MAMDC2: variants seen among roughly 807,000 people sequenced by gnomAD.
MAMDC2 encodes MAM domain containing 2, also known as MAM domain-containing protein 2.
Under a neutral mutation model 89.8 loss-of-function variants are expected in MAMDC2, and 57 were observed. The ratio of observed to expected loss-of-function variants is 0.63; its 90% CI spans 0.51 to 0.79. MAMDC2 has a LOEUF of 0.79. Ranked by LOEUF, MAMDC2 falls within the 30% of genes least tolerant of loss-of-function variation. The probability of loss-of-function intolerance (pLI) is 0.00; values close to 1 mark genes in which losing one functional copy is unlikely to be tolerated. For missense variants in MAMDC2, 800 were observed against 820.6 expected (o/e 0.97, Z 0.31); for synonymous variants, 313 against 293.4 (o/e 1.07, Z -0.68).
chr9:70,153,592 C>T (rs778139126), intron 9 of MAMDC2: 1 of 152,116 alleles, frequency 6.6e-6, no homozygotes, highest in African/African-American at 2.4e-5. Flanking sequence ...GGAGAAAAAT[C>T]GTTAAACAGT....
At chr9:70,191,804 C>T (rs1181957751) in intron 11 of MAMDC2, among the ~76,000 whole-genome samples, 1 of 152,144 alleles carries the variant, frequency 6.6e-6, no homozygotes, top group Non-Finnish European at 1.5e-5. Context: ...TCAATTTTTG[C>T]CTCTTCAGCT....
intron 11 of MAMDC2, among the ~76,000 whole-genome samples, chr9:70,199,954 T>A (rs1038638976): frequency 6.6e-6 from 1 of 152,214 alleles, no homozygotes; most frequent in African/African-American, 2.4e-5. Context: ...GATATTAGCC[T>A]TTTGTCAGAT....
chr9:70,043,794 C>G (rs1321804051), upstream of MAMDC2: 1 of 216,792 alleles, frequency 4.6e-6, no homozygotes, highest in Non-Finnish European at 9.2e-6. Context: ...TTCCAAGTGT[C>G]TGCAAGGGCT....
At chr9:70,220,204 TATC>T (rs2033530942) in intron 12 of MAMDC2, among the ~76,000 whole-genome samples, 1 of 152,214 alleles carries the variant, frequency 6.6e-6, no homozygotes, top group Admixed American at 6.5e-5. Context: ...ACAGGTAACT[TATC>T]AGCATCTAGG....
At chr9:70,139,350 C>A (rs1260731774) in intron 7 of MAMDC2, among the ~76,000 whole-genome samples, 20 of 143,956 alleles carry the variant, frequency 1.4e-4, no homozygotes, top group Non-Finnish European at 2.7e-4. Context: ...CAATTCCCAC[C>A]TATGAGTGAG....
chr9:70,103,074 C>G (rs1828237658), intron 2 of MAMDC2, among the ~76,000 whole-genome samples: 1 of 152,172 alleles, frequency 6.6e-6, no homozygotes. Context: ...GAATCCTCTC[C>G]CCATAAAAGC....
chr9:70,196,066 A>C (rs1476051188), intron 11 of MAMDC2, among the ~76,000 whole-genome samples: 2 of 152,120 alleles, frequency 1.3e-5, no homozygotes, highest in Non-Finnish European at 2.9e-5. Context: ...AGGATTTCTT[A>C]ACGTGGCGGC....
chr9:70,206,609 A>G (rs2033227965), intron 11 of MAMDC2, among the ~76,000 whole-genome samples: 1 of 152,014 alleles, frequency 6.6e-6, no homozygotes. Context: ...ACTTTGTTTC[A>G]TATTTTTTTT....
At chr9:70,195,009 A>G (rs1400850518) in intron 11 of MAMDC2, among the ~76,000 whole-genome samples, 2 of 152,128 alleles carry the variant, frequency 1.3e-5, no homozygotes, top group African/African-American at 4.8e-5. Context: ...TAACCAGTAC[A>G]TCAAAACCAT....
At chr9:70,168,588 A>G in intron 9 of MAMDC2, 114 bp from the exon 10 acceptor site, 1 of 708,210 alleles carries the variant, frequency 1.4e-6, no homozygotes, top group South Asian at 1.7e-5. Context: ...CGGACGCTGA[A>G]GAGCTGCTTG....
At chr9:70,093,946 C>T (rs893128297) in intron 2 of MAMDC2, 3 of 152,208 alleles carry the variant, frequency 2.0e-5, no homozygotes, top group African/African-American at 7.2e-5. Flanking sequence ...GGGTTCATCA[C>T]TTGGTTTTCT....
intron 11 of MAMDC2, among the ~76,000 whole-genome samples, chr9:70,178,508 T>C (rs1027847198): frequency 6.6e-6 from 1 of 152,210 alleles, no homozygotes; most frequent in Non-Finnish European, 1.5e-5. Context: ...TTTTGGGGGA[T>C]ACATCCAAAC....
chr9:70,205,659 G>T (rs764952043), intron 11 of MAMDC2, among the ~76,000 whole-genome samples: 6 of 152,160 alleles, frequency 3.9e-5, no homozygotes, highest in Non-Finnish European at 5.9e-5. Context: ...TCTCCCAATA[G>T]ATCCATTGGA....
At chr9:70,124,762 G>A (rs952764112) in intron 5 of MAMDC2, among the ~76,000 whole-genome samples, 1 of 152,174 alleles carries the variant, frequency 6.6e-6, no homozygotes, top group African/African-American at 2.4e-5. Context: ...CTGGAGTACA[G>A]TGGTGTGATC....
intron 5 of MAMDC2, among the ~76,000 whole-genome samples, chr9:70,117,401 A>G (rs1381884049): frequency 6.6e-6 from 1 of 152,160 alleles, no homozygotes; most frequent in African/African-American, 2.4e-5. Context: ...ATTCTCACTC[A>G]TAAGTGGGAG....
At chr9:70,093,427 T>G (rs991341526) in intron 2 of MAMDC2, among the ~76,000 whole-genome samples, 5 of 151,324 alleles carry the variant, frequency 3.3e-5, no homozygotes, top group East Asian at 3.9e-4. Flanking sequence ...GGACAGTTTT[T>G]TTTTTTTTTT....
chr9:70,181,205 G>C (rs1223988558), intron 11 of MAMDC2, among the ~76,000 whole-genome samples: 2 of 152,124 alleles, frequency 1.3e-5, no homozygotes, highest in Admixed American at 1.3e-4. Context: ...TGTTCCATTG[G>C]TCTATATGTC....
intron 2 of MAMDC2, among the ~76,000 whole-genome samples, chr9:70,098,494 A>G (rs1587467971): frequency 6.6e-6 from 1 of 152,224 alleles, no homozygotes; most frequent in Non-Finnish European, 1.5e-5. Context: ...AAATCTTGAC[A>G]TGTTTAAAAG....
At chr9:70,217,349 C>A (rs1178464811) in intron 11 of MAMDC2, 3 of 1,365,806 alleles carry the variant, frequency 2.2e-6, no homozygotes, top group Non-Finnish European at 3.1e-6. Context: ...ATAAACTGGA[C>A]TGTCCTCCAC....
Sources: allele counts gnomAD v4.1 joint callset (sites outside exome capture counted in the v4.1 genomes callset), GRCh38; gene constraint gnomAD v4.1.1; transcripts MANE v1.5; gene names NCBI Gene and HGNC (gene_info 2026-07-23, HGNC 2026-07-21).